Variants in KIF18B observed in about 807,000 individuals in gnomAD.
KIF18B encodes the protein kinesin family member 18B.
Under a neutral mutation model 80.9 loss-of-function variants are expected in KIF18B, and 49 were observed. The ratio of observed to expected loss-of-function variants is 0.61; its 90% CI spans 0.48 to 0.77. KIF18B has a LOEUF of 0.77. KIF18B is among the 30% of genes least tolerant of loss of function. The pLI is 0.00. For missense variants in KIF18B, 994 were observed against 1,127.7 expected (o/e 0.88, Z 1.70); for synonymous variants, 439 against 463.9 (o/e 0.95, Z 0.69).
chr17:44,928,851 G>A lies in KIF18B; in HGVS notation c.1691C>T (p.Ala564Val). 6.2e-7 allele frequency: 1 copy of A among 1,613,776 alleles called. No individual in the cohort carries two copies. Among genetic ancestry groups the A allele is most frequent in the Non-Finnish European group, 8.5e-7 (1 of 1,179,790 alleles). ...ALRTSGLARG[A>V]PLAQELCSES... ...TGAACACAGCTCCTGAGCCAGAGGT[G>A]CCCCCCTGGCCAGGCCTGAAGTCCT... Residue 564 changes from alanine to valine, a missense_variant, in exon 12 of 16, where the codon GCA becomes GTA. Physicochemically the swap from Ala to Val is moderately conservative, Grantham distance 64. Coordinates refer to ENST00000593135, the MANE Select transcript of KIF18B (RefSeq NM_001265577.2).
chr17:44,942,219 G>A (rs2052433987), intron 1 of KIF18B, among the ~76,000 whole-genome samples: 1 of 152,232 alleles, frequency 6.6e-6, no homozygotes, highest in Admixed American at 6.5e-5. Context: ...TCAGCCCAAA[G>A]TACAAGGGAG....
intron 11 of KIF18B, 63 bp downstream of exon 11, chr17:44,931,539 C>G (rs2052145753): frequency 6.2e-7 from 1 of 1,610,592 alleles, no homozygotes; most frequent in Non-Finnish European, 8.5e-7. Context: ...AATTCCCACA[C>G]CCAGGGAGGC....
chr17:44,942,411 G>A (rs2052436872), intron 1 of KIF18B, among the ~76,000 whole-genome samples: 1 of 152,196 alleles, frequency 6.6e-6, no homozygotes, highest in South Asian at 2.1e-4. Context: ...GGTCCAGTGA[G>A]CCCAAGCTCC....
chr17:44,929,135 T>A, intron 11 of KIF18B, 111 bp from the exon 12 acceptor site: 1 of 928,960 alleles, frequency 1.1e-6, no homozygotes, highest in Non-Finnish European at 1.7e-6. Context: ...GAGTCTGAAC[T>A]GGTCCCCTGG....
intron 12 of KIF18B, 40 bp from the exon 13 acceptor site, chr17:44,928,618 C>A: frequency 6.9e-7 from 1 of 1,441,906 alleles, no homozygotes; most frequent in South Asian, 1.5e-5. Flanking sequence ...CTTGGGGAGC[C>A]AGACACTGGA....
At position 44,934,279 on chromosome 17, in the gene KIF18B, G is replaced by A; in HGVS notation, c.839C>T (p.Ser280Phe). Residue 280 changes from serine to phenylalanine, a missense_variant, in exon 6 of 16, where the codon TCT becomes TTT. Coordinates refer to ENST00000593135, the MANE Select transcript of KIF18B (RefSeq NM_001265577.2). This position sits in a 1 kb window ranked among gnomAD's most constrained non-coding sequence, Gnocchi z 5.4. Reference protein sequence around the residue: ...RLREGANINRSLLALINVLNA... With the variant: ...RLREGANINRFLLALINVLNA... ...GAGGACGTTGATGAGCGCCAGCAGAGAGCGGTTGATGTTGGCCCCCTCCCG... is the reference window on the plus strand; with the variant it reads ...GAGGACGTTGATGAGCGCCAGCAGAAAGCGGTTGATGTTGGCCCCCTCCCG... The A allele has an allele frequency of 1.2e-6, 2 of 1,613,390 alleles. No homozygotes were observed. Among genetic ancestry groups the A allele is most frequent in the Non-Finnish European group, 1.7e-6 (2 of 1,179,808 alleles).
intron 1 of KIF18B, among the ~76,000 whole-genome samples, chr17:44,942,195 T>C (rs1333656744): frequency 6.6e-6 from 1 of 152,232 alleles, no homozygotes; most frequent in East Asian, 1.9e-4. Context: ...TGATCCTTGG[T>C]TGGAAAGAGC....
rs1205060170 is a variant in KIF18B, at chr17:44,932,980, T to C, written c.1069A>G (p.Ser357Gly). ...RAKEIRLSLKSNVTSLDCHIS... is the reference protein window; with the variant it reads ...RAKEIRLSLKGNVTSLDCHIS... Reference sequence around the variant, plus strand: ...TGACAGTCCAGGCTGGTCACATTGCTCTTCAGCTGAGATGGGGAACAGGAG... The same window carrying C: ...TGACAGTCCAGGCTGGTCACATTGCCCTTCAGCTGAGATGGGGAACAGGAG... Residue 357 changes from serine to glycine, a missense_variant, in exon 8 of 16, where the codon AGC becomes GGC. By Grantham distance (56) the Ser-to-Gly change is moderately conservative. Coordinates refer to ENST00000593135, the MANE Select transcript of KIF18B (RefSeq NM_001265577.2). The C allele has an allele frequency of 6.2e-7, 1 of 1,604,854 alleles. No homozygotes were observed. Among genetic ancestry groups the C allele is most frequent in the African/African-American group, 1.3e-5 (1 of 74,746 alleles).
In KIF18B at chr17:44,936,265, C is replaced by G; in HGVS notation, c.80G>C (p.Arg27Pro). ...CTCGTCCACCACCTGAACCACTGGC[C>G]GCCGCTGACTGTCCAGCTCCCGAGG... is the stretch of plus-strand genomic sequence containing the variant. The part of the protein sequence containing the change: ...PTPRELDSQR[R>P]PVVQVVDERV... Residue 27 changes from arginine to proline, a missense_variant, in exon 2 of 16, where the codon CGG (arginine) becomes CCG (proline). Coordinates refer to ENST00000593135, the MANE Select transcript of KIF18B (RefSeq NM_001265577.2). 3 of 1,610,914 alleles carry G rather than the reference C, an allele frequency of 1.9e-6. No individual in the cohort carries two copies. The highest frequency in any genetic ancestry group is 2.5e-6 in the Non-Finnish European group (3 of 1,179,206).
At chr17:44,931,959 G>C in intron 10 of KIF18B, 97 bp downstream of exon 10, 1 of 1,353,716 alleles carries the variant, frequency 7.4e-7, no homozygotes, top group Non-Finnish European at 1.0e-6. Context: ...ATAGAGACGG[G>C]ACTAAAGGGA....
In KIF18B at chr17:44,925,447, C is replaced by CAA. The variant is rs1203708120; in HGVS notation, c.*631_*632dup. 9 of 134,506 alleles carry CAA rather than the reference C, an allele frequency of 6.7e-5. No homozygotes were observed. Among genetic ancestry groups the CAA allele is most frequent in the South Asian group, 2.3e-4 (1 of 4,294 alleles). The allele number at this position is 134,506 out of a possible 1,614,324, so 8.3% of individuals were successfully genotyped here. A position where few individuals can be genotyped will look rare whatever the true frequency, so the allele number is the denominator to read the frequency against. On this transcript the variant is annotated 3_prime_UTR_variant, in exon 16 of 16. Coordinates refer to ENST00000593135, the MANE Select transcript of KIF18B (RefSeq NM_001265577.2). ...TGGGCGACAGAGCGAGACTCCATCT[C>CAA]AAAAAAAAAAAAGATGGGGGAACAT...
At chr17:44,936,586 C>CTATATA (rs2052302738) in intron 1 of KIF18B, among the ~76,000 whole-genome samples, 1 of 57,898 alleles carries the variant, frequency 1.7e-5, no homozygotes, top group Non-Finnish European at 3.6e-5. Context: ...CTCTCTCTCT[C>CTATATA]TCTCTCTCTC....
chr17:44,932,784 A>T lies in KIF18B; in HGVS notation c.1138-11T>A. The T allele has an allele frequency of 6.2e-7, 1 of 1,610,386 alleles. No homozygotes were observed. ...CCTCAGAGCGGCTACCTGGAACAGA[A>T]GCAGCCCAGCCCCTGAGAGCCCCAG... On this transcript the variant is annotated splice_polypyrimidine_tract_variant and intron_variant, in intron 8 of 15. Transcript: ENST00000593135.
At chr17:44,937,410 T>C (rs1319079498) in intron 1 of KIF18B, among the ~76,000 whole-genome samples, 2 of 152,198 alleles carry the variant, frequency 1.3e-5, no homozygotes, top group Non-Finnish European at 1.5e-5. Flanking sequence ...TGTTCAGATA[T>C]TTTTTATGTC....
chr17:44,929,861 G>A (rs1327654552), intron 11 of KIF18B, among the ~76,000 whole-genome samples: 2 of 152,208 alleles, frequency 1.3e-5, no homozygotes, highest in Non-Finnish European at 2.9e-5. Flanking sequence ...GGGGCTACTT[G>A]AAGGAAATGA....
chr17:44,926,304 C>A, intron 15 of KIF18B, 110 bp downstream of exon 15: 1 of 1,565,058 alleles, frequency 6.4e-7, no homozygotes, highest in South Asian at 1.2e-5. Flanking sequence ...AGATGCTTGG[C>A]AATACCCTAG....
chr17:44,929,109 T>A, intron 11 of KIF18B, 85 bp from the exon 12 acceptor site: 1 of 1,225,172 alleles, frequency 8.2e-7, no homozygotes, highest in Non-Finnish European at 1.2e-6. Flanking sequence ...TCCTCATCAC[T>A]CCAGCTGTGG....
Position 44,932,184 on chromosome 17 carries a change from G to A in KIF18B, c.1261C>T (p.Pro421Ser). 6.2e-7 allele frequency: 1 copy of A among 1,609,052 alleles called. No individual in the cohort carries two copies. Among genetic ancestry groups the A allele is most frequent in the Non-Finnish European group, 8.5e-7 (1 of 1,177,002 alleles). Residue 421 changes from proline to serine, a missense_variant, in exon 10 of 16, where the codon CCT becomes TCT. By Grantham distance (74) the Pro-to-Ser change is moderately conservative. Transcript: ENST00000593135. ...PEHQPCTPEL[P>S]AGPRALQEES... ...TCTTGAAGGGCTCTAGGCCCTGCAG[G>A]GAGCTCTGGGGTGCAGGGCTGGCTG...
intron 1 of KIF18B, among the ~76,000 whole-genome samples, chr17:44,939,547 T>G (rs2052377894): frequency 6.6e-6 from 1 of 152,104 alleles, no homozygotes; most frequent in South Asian, 2.1e-4. Flanking sequence ...CATATGATTT[T>G]AGAATCAGCT....
Sources: gnomAD v4.1 joint callset for allele counts (sites outside exome capture counted in the v4.1 genomes callset) on GRCh38, gnomAD v4.1.1 for gene constraint, Gnocchi (gnomAD v3.1) non-coding constraint, MANE v1.5 for transcripts, NCBI Gene and HGNC (gene_info 2026-07-23, HGNC 2026-07-21) for gene names.